TRPM3: variants seen among roughly 807,000 people sequenced by gnomAD.
TRPM3 encodes the protein transient receptor potential cation channel subfamily M member 3.
In TRPM3, 77 loss-of-function variants were observed where a neutral mutation model predicts 181.2. The ratio of observed to expected loss-of-function variants is 0.42; its 90% CI spans 0.35 to 0.51. TRPM3 has a LOEUF of 0.51. TRPM3 is among the 20% of genes least tolerant of loss of function. The pLI is 0.01. For synonymous variants in TRPM3, 745 were observed against 796.4 expected (o/e 0.94, Z 1.09); for missense variants, 1,759 against 2,196.7 (o/e 0.80, Z 3.98).
rs562536554 is a variant in TRPM3 at position 70,942,439 on chromosome 9, C to G, written c.178-77928G>C. 1.4e-4 allele frequency among the ~76,000 whole-genome samples: 22 copies of G among 152,288 alleles called. No homozygotes were observed. The East Asian group carries it at 4.3e-3, about 29-fold the overall frequency. On this transcript the variant is annotated intron_variant, in intron 1 of 25. Transcript: ENST00000677713. The stretch of plus-strand genomic sequence containing the variant: ...AGATTCAGAAAGAAGAGGTGAGCAT[C>G]TCAGCCATCAACAATCACATTGGTA...
chr9:71,128,336 A>C (rs1006449395), intron 1 of TRPM3, among the ~76,000 whole-genome samples: 22 of 152,318 alleles, frequency 1.4e-4, no homozygotes, highest in African/African-American at 4.8e-4. Flanking sequence ...CCTACCAAAA[A>C]ATGTATAACA....
intron 1 of TRPM3, among the ~76,000 whole-genome samples, chr9:71,346,806 G>A (rs2091322813): frequency 6.6e-6 from 1 of 152,184 alleles, no homozygotes; most frequent in Non-Finnish European, 1.5e-5. Flanking sequence ...GGAGGTAGAA[G>A]TACTATCTGC....
intron 1 of TRPM3, among the ~76,000 whole-genome samples, chr9:70,999,780 G>A (rs1335037878): frequency 1.3e-5 from 2 of 152,204 alleles, no homozygotes; most frequent in African/African-American, 4.8e-5. Context: ...AAAAGGTGCA[G>A]CTCTTTCTGG....
At chr9:70,883,772 G>A (rs2096038496) in intron 1 of TRPM3, among the ~76,000 whole-genome samples, 1 of 152,226 alleles carries the variant, frequency 6.6e-6, no homozygotes, top group African/African-American at 2.4e-5. Flanking sequence ...GAGGGGCGAT[G>A]AGACTTGCTC....
chr9:70,591,569 T>C (rs984635018), intron 21 of TRPM3, among the ~76,000 whole-genome samples: 1 of 152,160 alleles, frequency 6.6e-6, no homozygotes, highest in African/African-American at 2.4e-5. Flanking sequence ...TCTCTGCTCC[T>C]GGGGGAGGCA....
At chr9:70,804,355 C>T (rs951939675) in intron 6 of TRPM3, among the ~76,000 whole-genome samples, 2 of 151,928 alleles carry the variant, frequency 1.3e-5, no homozygotes, top group Non-Finnish European at 2.9e-5. Flanking sequence ...CAAAACAAAA[C>T]CCAAAAAACT....
intron 1 of TRPM3, among the ~76,000 whole-genome samples, chr9:70,938,996 A>G (rs201328553): frequency 6.8e-6 from 1 of 146,234 alleles, no homozygotes; most frequent in East Asian, 2.1e-4. Flanking sequence ...AAAATAAAAA[A>G]AAAACATTCA....
chr9:70,566,351 G>A (rs894889174), intron 22 of TRPM3, among the ~76,000 whole-genome samples: 2 of 152,064 alleles, frequency 1.3e-5, no homozygotes, highest in Admixed American at 6.6e-5. Flanking sequence ...GCACTGCTTA[G>A]AGCTACATCC....
chr9:71,198,486 G>C lies in TRPM3; in HGVS notation c.183+248167C>G, dbSNP rs1399828834. 2.0e-5 allele frequency among the ~76,000 whole-genome samples: 3 copies of C among 152,162 alleles called. No homozygotes were observed. In the East Asian group the frequency reaches 5.8e-4, roughly 29 times the overall value. Reference sequence around the variant, plus strand: ...GCAGTATGGCCATCTTCATGATATTGATTCTTCCTACCCATGAGCATGGAA... The same window carrying C: ...GCAGTATGGCCATCTTCATGATATTCATTCTTCCTACCCATGAGCATGGAA... On this transcript the variant is annotated intron_variant, in intron 1 of 24. Transcript: ENST00000357533.
At chr9:71,366,622 T>A (rs1276039840) in intron 1 of TRPM3, among the ~76,000 whole-genome samples, 1 of 152,174 alleles carries the variant, frequency 6.6e-6, no homozygotes, top group African/African-American at 2.4e-5. Context: ...AGTATTATCT[T>A]CCCAATCAAT....
chr9:70,537,632 C>A (rs1488568111), intron 25 of TRPM3, among the ~76,000 whole-genome samples: 3 of 152,116 alleles, frequency 2.0e-5, no homozygotes, highest in Non-Finnish European at 4.4e-5. Flanking sequence ...ATTATCTAAT[C>A]CAATGATTTT....
intron 1 of TRPM3, among the ~76,000 whole-genome samples, chr9:71,386,003 G>T (rs1456541276): frequency 6.6e-6 from 1 of 151,962 alleles, no homozygotes; most frequent in Non-Finnish European, 1.5e-5. Flanking sequence ...CACCACACCT[G>T]CTGAGTCTTA....
chr9:70,701,123 C>A (rs1410747033), intron 8 of TRPM3, among the ~76,000 whole-genome samples: 1 of 152,048 alleles, frequency 6.6e-6, no homozygotes, highest in Non-Finnish European at 1.5e-5. Context: ...TATGGGTTAT[C>A]CATTAATGCC....
chr9:71,210,026 C>T (rs1423054527), intron 1 of TRPM3, among the ~76,000 whole-genome samples: 6 of 152,176 alleles, frequency 3.9e-5, no homozygotes, highest in East Asian at 1.9e-4. Flanking sequence ...TCCCTAACCC[C>T]GTTAGGAACT....
At chr9:70,658,344 T>C (rs1047612210) in intron 9 of TRPM3, among the ~76,000 whole-genome samples, 12 of 152,184 alleles carry the variant, frequency 7.9e-5, no homozygotes, top group African/African-American at 2.9e-4. Flanking sequence ...AATTACAAAT[T>C]ATGTATTTTT....
chr9:70,551,274 C>T (rs984293339), intron 24 of TRPM3, among the ~76,000 whole-genome samples: 16 of 152,140 alleles, frequency 1.1e-4, no homozygotes, highest in African/African-American at 2.7e-4. Context: ...TCAGTTTCCC[C>T]GACTGATTCA....
At chr9:71,190,514 T>A (rs1411165) in intron 1 of TRPM3, among the ~76,000 whole-genome samples, 65,209 of 151,650 alleles carry the variant, frequency 0.43, 14,428 homozygotes, top group East Asian at 0.52. Flanking sequence ...TCTGAAAACA[T>A]AGAAGTCTTT....
intron 1 of TRPM3, among the ~76,000 whole-genome samples, chr9:71,218,284 C>G (rs1370595110): frequency 1.3e-5 from 2 of 152,164 alleles, no homozygotes; most frequent in Non-Finnish European, 2.9e-5. Flanking sequence ...AATGACAACG[C>G]ACTCTCATGT....
intron 1 of TRPM3, among the ~76,000 whole-genome samples, chr9:71,039,732 T>C (rs2058615342): frequency 1.3e-5 from 2 of 152,198 alleles, no homozygotes. Context: ...AACTTTTCTC[T>C]GTCTCAGTTG....
Sources: gnomAD v4.1 joint callset for allele counts (sites outside exome capture counted in the v4.1 genomes callset) on GRCh38, gnomAD v4.1.1 for gene constraint, MANE v1.5 for transcripts, NCBI Gene and HGNC (gene_info 2026-07-23, HGNC 2026-07-21) for gene names.